The following SLC44A3 variants were observed in gnomAD, a reference collection of about 807,000 sequenced individuals.
SLC44A3 encodes choline transporter-like protein 3.
In SLC44A3, 74 loss-of-function variants were observed where a neutral mutation model predicts 75.4. The ratio of observed to expected loss-of-function variants is 0.98; its 90% CI spans 0.81 to 1.19. The LOEUF (loss-of-function observed/expected upper bound fraction) is 1.19, where lower values mean the gene tolerates loss of function less well. Ranked by LOEUF, SLC44A3 falls within the 50% of genes most tolerant of loss-of-function variation. The probability of loss-of-function intolerance (pLI) is 0.00; values close to 1 mark genes in which losing one functional copy is unlikely to be tolerated. For synonymous variants in SLC44A3, 310 were observed against 296.9 expected (o/e 1.04, Z -0.45); for missense variants, 700 against 778.6 (o/e 0.90, Z 1.20).
chr1:94,859,153 A>C (rs1666270275), intron 10 of SLC44A3, among the ~76,000 whole-genome samples: 1 of 152,248 alleles, frequency 6.6e-6, no homozygotes. Flanking sequence ...CAAAGAGAGT[A>C]TTCTAACCAA....
chr1:94,890,252 AG>A (rs2101674775), intron 12 of SLC44A3, among the ~76,000 whole-genome samples: 1 of 152,194 alleles, frequency 6.6e-6, no homozygotes, highest in South Asian at 2.1e-4. Context: ...CTATTTTCTT[AG>A]TACCTTAAAC....
intron 9 of SLC44A3, among the ~76,000 whole-genome samples, chr1:94,849,159 G>A (rs897513750): frequency 7.9e-5 from 12 of 152,098 alleles, no homozygotes; most frequent in South Asian, 2.1e-4. Context: ...TGAAGGTAGC[G>A]TGTCATTCTG....
chr1:94,828,352 G>T, intron 4 of SLC44A3, 141 bp from the exon 5 acceptor site: 1 of 565,066 alleles, frequency 1.8e-6, no homozygotes, highest in Non-Finnish European at 3.1e-6. Context: ...ACCTCAGATT[G>T]TATGCCTATT....
At chr1:94,847,201 G>A (rs1664519275) in intron 9 of SLC44A3, among the ~76,000 whole-genome samples, 1 of 152,248 alleles carries the variant, frequency 6.6e-6, no homozygotes, top group South Asian at 2.1e-4. Flanking sequence ...CTGTCACACA[G>A]ATGAAGTCCA....
chr1:94,857,622 A>G (rs963392701), intron 10 of SLC44A3, 122 bp downstream of exon 10: 12 of 1,054,656 alleles, frequency 1.1e-5, no homozygotes, highest in African/African-American at 1.6e-5. Flanking sequence ...TGGCAAGAAT[A>G]AAAGAGTAAG....
chr1:94,851,925 T>G (rs1665263150), intron 9 of SLC44A3, among the ~76,000 whole-genome samples: 1 of 152,248 alleles, frequency 6.6e-6, no homozygotes, highest in Non-Finnish European at 1.5e-5. Context: ...TTATATCACC[T>G]TAGTCTTTTG....
intron 12 of SLC44A3, among the ~76,000 whole-genome samples, chr1:94,889,553 C>CACACACACACACACACACA (rs370393089): frequency 8.7e-5 from 13 of 149,428 alleles, no homozygotes; most frequent in South Asian, 2.1e-4. Flanking sequence ...CACACACACA[C>CACACACACACACACACACA]ATTTGTAGTC....
chr1:94,823,256 G>A (rs983702838), intron 2 of SLC44A3, among the ~76,000 whole-genome samples: 32 of 152,166 alleles, frequency 2.1e-4, no homozygotes, highest in African/African-American at 7.0e-4. Flanking sequence ...TCGAAAGGAC[G>A]AGACAAGCAT....
rs759571114 is a variant in SLC44A3 at position 94,827,510 on chromosome 1, C to T, written c.282C>T (p.His94=). ...TTCTGTTTCATCTATTTCCTAGACA[C>T]GTGTTCTTTATGAATTCCTGCAACC... is the stretch of plus-strand genomic sequence containing the variant. The part of the protein sequence containing the change: ...LSGQDMTLKK[H]VFFMNSCNLE... Residue 94 remains histidine, a synonymous_variant, in exon 4 of 15, where the codon CAC becomes CAT. Transcript: ENST00000271227. 35 of 1,614,070 alleles carry T rather than the reference C, an allele frequency of 2.2e-5. No individual in the cohort carries two copies. Among genetic ancestry groups the T allele is most frequent in the Middle Eastern group, 1.6e-4 (1 of 6,084 alleles).
In SLC44A3 at chr1:94,892,261, CAA is replaced by C. The variant is rs761428561; in HGVS notation, c.1621-18_1621-17del. The C allele has an allele frequency of 2.2e-5, 35 of 1,595,862 alleles. No homozygotes were observed. The highest frequency in any genetic ancestry group is 7.0e-5 in the Admixed American group (4 of 57,508). On this transcript the variant is annotated intron_variant, in intron 13 of 14. Transcript: ENST00000271227. ...GCAACTGATTCATAAAGATTTTCAA[CAA>C]ACTCTTCTTTTGCACAGGTGTTAGT... is the stretch of plus-strand genomic sequence containing the variant.
chr1:94,820,993 G>T lies in SLC44A3; in HGVS notation c.72G>T (p.Gln24His). 3.2e-6 allele frequency: 5 copies of T among 1,551,626 alleles called. No homozygotes were observed. Among genetic ancestry groups the T allele is most frequent in the Non-Finnish European group, 4.4e-6 (5 of 1,146,946 alleles). Residue 24 changes from glutamine (Q) to histidine (H), a missense_variant, in exon 2 of 15, where the codon CAG becomes CAT. By Grantham distance (24) the Gln-to-His change is conservative. Coordinates refer to ENST00000271227, the MANE Select transcript of SLC44A3 (RefSeq NM_001114106.3). ...CTAGGCAAAGGGAGTGGCGACCCCAGATTTATAGGAAATGCACAGATACGG... is the reference window on the plus strand; with the variant it reads ...CTAGGCAAAGGGAGTGGCGACCCCATATTTATAGGAAATGCACAGATACGG... Reference protein sequence around the residue: ...GAPRQREWRPQIYRKCTDTAW... With the variant: ...GAPRQREWRPHIYRKCTDTAW...
chr1:94,868,858 A>G (rs907234696), intron 12 of SLC44A3, among the ~76,000 whole-genome samples: 2 of 152,210 alleles, frequency 1.3e-5, no homozygotes, highest in African/African-American at 4.8e-5. Flanking sequence ...TACTTTCCGC[A>G]TCCCTCTTTC....
chr1:94,827,835 C>G (rs1169244267), intron 4 of SLC44A3, among the ~76,000 whole-genome samples, 192 bp downstream of exon 4: 2 of 152,064 alleles, frequency 1.3e-5, no homozygotes, highest in Non-Finnish European at 2.9e-5. Context: ...TTTTTTCTAT[C>G]TGGATTTATC....
At chr1:94,847,496 G>A (rs993816047) in intron 9 of SLC44A3, among the ~76,000 whole-genome samples, 9 of 152,142 alleles carry the variant, frequency 5.9e-5, no homozygotes, top group African/African-American at 2.2e-4. Context: ...TTTCATTTTG[G>A]GCAGGCACGC....
intron 5 of SLC44A3, among the ~76,000 whole-genome samples, chr1:94,830,925 G>T (rs954736608): frequency 2.0e-5 from 3 of 152,176 alleles, no homozygotes; most frequent in Non-Finnish European, 4.4e-5. Flanking sequence ...TTGGGCCTCA[G>T]AAAACGTCTA....
rs767788548 is a variant in SLC44A3 at position 94,842,143 on chromosome 1, G to T, written c.885+19G>T. 1.3e-6 allele frequency: 2 copies of T among 1,586,830 alleles called. No homozygotes were observed. Among genetic ancestry groups the T allele is most frequent in the South Asian group, 2.3e-5 (2 of 86,210 alleles). On this transcript the variant is annotated intron_variant, in intron 8 of 14. Transcript: ENST00000271227. ...CATCACGGTAAGAAATGCTCTTCTAGCAGTAGGTCAGGTAGCCAGCCAGGA... is the reference window on the plus strand; with the variant it reads ...CATCACGGTAAGAAATGCTCTTCTATCAGTAGGTCAGGTAGCCAGCCAGGA...
At position 94,891,267 on chromosome 1, in the gene SLC44A3, G is replaced by A. The variant is rs1365479785; in HGVS notation, c.1620G>A (p.Lys540=). ...CFGDFIIFLG[K]VLVVCFTVFG... The stretch of plus-strand genomic sequence containing the variant: ...GAGACTTCATAATTTTTCTAGGAAA[G>A]GTGAGATATCTTGACTAAATAAAGG... The change falls in exon 13 of 15, where the codon AAG becomes AAA. Residue 540 remains lysine, a splice_region_variant and synonymous_variant. Coordinates refer to ENST00000271227, the MANE Select transcript of SLC44A3 (RefSeq NM_001114106.3). 6.2e-7 allele frequency: 1 copy of A among 1,602,674 alleles called. No individual in the cohort carries two copies. Among genetic ancestry groups the A allele is most frequent in the Non-Finnish European group, 8.5e-7 (1 of 1,176,140 alleles).
intron 9 of SLC44A3, among the ~76,000 whole-genome samples, chr1:94,846,123 G>A (rs367840453): frequency 1.4e-5 from 2 of 146,612 alleles, no homozygotes; most frequent in African/African-American, 2.5e-5. Context: ...CTCCAGCCTG[G>A]GTGACAGAGC....
chr1:94,827,340 A>G, intron 3 of SLC44A3, 167 bp from the exon 4 acceptor site: 2 of 775,328 alleles, frequency 2.6e-6, no homozygotes, highest in Non-Finnish European at 4.1e-6. Flanking sequence ...AGCTTCATGG[A>G]TGACCACCAG....
Sources: allele counts gnomAD v4.1 joint callset (sites outside exome capture counted in the v4.1 genomes callset), GRCh38; gene constraint gnomAD v4.1.1; transcripts MANE v1.5; gene names NCBI Gene and HGNC (gene_info 2026-07-23, HGNC 2026-07-21).